The following CSMD1 variants were observed in gnomAD, a reference collection of about 807,000 sequenced individuals.
The protein encoded by CSMD1 is CUB and sushi domain-containing protein 1.
CSMD1 carries 213 observed loss-of-function variants against 417.5 expected under a neutral mutation model. The observed-to-expected ratio is 0.51, with a 90% CI of 0.46 to 0.57. CSMD1 has a LOEUF of 0.57. Among genes scored for constraint, CSMD1 ranks in the 20% least tolerant of loss-of-function variants. The pLI, the probability that CSMD1 is intolerant of heterozygous loss-of-function variation, is 0.00. For synonymous variants in CSMD1, 2,862 were observed against 1,736.8 expected (o/e 1.65, Z -16.11); for missense variants, 6,923 against 4,529.7 (o/e 1.53, Z -15.17).
chr8:3,667,651 G>C (rs1236209897), intron 7 of CSMD1, among the ~76,000 whole-genome samples: 1 of 152,174 alleles, frequency 6.6e-6, no homozygotes, highest in Non-Finnish European at 1.5e-5. Flanking sequence ...TGGAAACCCA[G>C]GCCTTGGGGT....
chr8:4,286,659 G>A (rs1216637445), intron 3 of CSMD1, among the ~76,000 whole-genome samples: 1 of 152,172 alleles, frequency 6.6e-6, no homozygotes, highest in African/African-American at 2.4e-5. Context: ...AAAGGGGATA[G>A]CAATCATACT....
intron 3 of CSMD1, among the ~76,000 whole-genome samples, chr8:4,215,313 A>G (rs943494595): frequency 6.6e-6 from 1 of 152,154 alleles, no homozygotes; most frequent in Non-Finnish European, 1.5e-5. Flanking sequence ...CCACCACCCA[A>G]TAGTTACATT....
chr8:3,042,958 T>C (rs76983113), intron 50 of CSMD1, among the ~76,000 whole-genome samples: 15,200 of 148,436 alleles, frequency 0.1, 800 homozygotes, highest in African/African-American at 0.12. Flanking sequence ...ATACATATAG[T>C]GATATATACA....
intron 3 of CSMD1, among the ~76,000 whole-genome samples, chr8:4,274,315 C>A (rs145486732): frequency 2.0e-5 from 3 of 152,062 alleles, no homozygotes; most frequent in African/African-American, 7.2e-5. Context: ...AACTGGCATA[C>A]GTGGGGAGGA....
At chr8:3,160,313 G>A (rs1052021812) in intron 38 of CSMD1, among the ~76,000 whole-genome samples, 10 of 152,066 alleles carry the variant, frequency 6.6e-5, no homozygotes, top group African/African-American at 2.4e-4. Flanking sequence ...TGTAGAGATG[G>A]TGTCTCACTG....
intron 5 of CSMD1, among the ~76,000 whole-genome samples, chr8:3,857,566 C>T (rs2129103613): frequency 6.6e-6 from 1 of 152,100 alleles, no homozygotes; most frequent in East Asian, 1.9e-4. Flanking sequence ...TCTTCCACAC[C>T]TGTTCTGTTT....
intron 3 of CSMD1, among the ~76,000 whole-genome samples, chr8:4,248,768 T>C (rs897343566): frequency 1.3e-5 from 2 of 152,134 alleles, no homozygotes; most frequent in African/African-American, 4.8e-5. Flanking sequence ...AAGCGCATGG[T>C]TTACTGTCAG....
chr8:4,744,905 C>G (rs1810856814), intron 1 of CSMD1, among the ~76,000 whole-genome samples: 1 of 152,116 alleles, frequency 6.6e-6, no homozygotes, highest in African/African-American at 2.4e-5. Flanking sequence ...TCTAATGGCT[C>G]AGTATGTATA....
chr8:4,236,042 T>G (rs1238850656), intron 3 of CSMD1, among the ~76,000 whole-genome samples: 4 of 34,530 alleles, frequency 1.2e-4, no homozygotes, highest in Admixed American at 9.3e-4. Context: ...TTTGTTTGTT[T>G]TTTTTTTTTT....
chr8:4,068,271 T>A (rs1218338053), intron 3 of CSMD1, among the ~76,000 whole-genome samples: 2 of 151,582 alleles, frequency 1.3e-5, no homozygotes, highest in Non-Finnish European at 2.9e-5. Flanking sequence ...CCTCGGAGAG[T>A]TGAGAAGTCT....
At chr8:4,948,727 G>C (rs561712058) in intron 1 of CSMD1, among the ~76,000 whole-genome samples, 1 of 152,002 alleles carries the variant, frequency 6.6e-6, no homozygotes, top group Admixed American at 6.6e-5. Context: ...GTAGGCATCT[G>C]TACCATTTAA....
At chr8:3,389,313 T>G (rs148748184) in intron 17 of CSMD1, among the ~76,000 whole-genome samples, 19 of 152,248 alleles carry the variant, frequency 1.2e-4, no homozygotes, top group African/African-American at 4.6e-4. Flanking sequence ...GTTCCCTCTA[T>G]GTGTCCATGT....
At chr8:4,231,731 T>C (rs1276424915) in intron 3 of CSMD1, among the ~76,000 whole-genome samples, 2 of 152,224 alleles carry the variant, frequency 1.3e-5, no homozygotes, top group Non-Finnish European at 2.9e-5. Flanking sequence ...CTGGTAGTGA[T>C]GGACCATGGA....
chr8:3,396,252 G>A lies in CSMD1; in HGVS notation c.2535C>T (p.Tyr845=). Residue 845 remains tyrosine, a synonymous_variant, in exon 17 of 70, where the codon TAC becomes TAT. Transcript: ENST00000635120. ...GGCTGTTGTCAGTGGTGAACAGCAGGTACATGAAGTTCCCGGTGCTGATGA... is the reference window on the plus strand; with the variant it reads ...GGCTGTTGTCAGTGGTGAACAGCAGATACATGAAGTTCCCGGTGCTGATGA... ...QFLISTGNFM[Y]LLFTTDNSRS... 1 of 1,581,672 alleles carries A rather than the reference G, an allele frequency of 6.3e-7. No individual in the cohort carries two copies. Among genetic ancestry groups the A allele is most frequent in the Non-Finnish European group, 8.6e-7 (1 of 1,163,646 alleles).
chr8:3,077,315 G>A (rs1813753909), intron 49 of CSMD1, among the ~76,000 whole-genome samples: 1 of 152,180 alleles, frequency 6.6e-6, no homozygotes, highest in South Asian at 2.1e-4. Flanking sequence ...GTCCCCCCAA[G>A]ACACAGCAGA....
intron 1 of CSMD1, among the ~76,000 whole-genome samples, chr8:4,824,719 G>T (rs187960881): frequency 2.3e-4 from 35 of 152,224 alleles, no homozygotes; most frequent in Admixed American, 2.0e-3. Context: ...TGACATCATG[G>T]AATTACTTGG....
At chr8:3,330,928 A>G (rs1585010273) in intron 23 of CSMD1, among the ~76,000 whole-genome samples, 1 of 152,188 alleles carries the variant, frequency 6.6e-6, no homozygotes. Flanking sequence ...GAGAGATGAC[A>G]TCTTAAATAA....
chr8:4,301,116 G>A (rs1425164046), intron 3 of CSMD1, among the ~76,000 whole-genome samples: 2 of 152,130 alleles, frequency 1.3e-5, no homozygotes, highest in East Asian at 3.9e-4. Flanking sequence ...TTGCAAAATT[G>A]CCCGTGTTTG....
intron 17 of CSMD1, 123 bp from the exon 18 acceptor site, chr8:3,387,805 G>A (rs545128123): frequency 1.4e-4 from 111 of 770,316 alleles, no homozygotes; most frequent in African/African-American, 1.4e-3. Flanking sequence ...TTATGCAAGT[G>A]AACCCAACAA....
Sources: allele counts gnomAD v4.1 joint callset (sites outside exome capture counted in the v4.1 genomes callset), GRCh38; gene constraint gnomAD v4.1.1; transcripts MANE v1.5; gene names NCBI Gene and HGNC (gene_info 2026-07-23, HGNC 2026-07-21).